Variants in EVI5 observed in about 807,000 individuals in gnomAD.
The protein encoded by EVI5 is ecotropic viral integration site 5 protein homolog.
A neutral mutation model predicts 112.0 loss-of-function variants in EVI5; 73 were observed. That is an observed-to-expected ratio of 0.65 (90% CI 0.54 to 0.79). The LOEUF is 0.79. Ranked by LOEUF, EVI5 falls within the 30% of genes least tolerant of loss-of-function variation. The pLI, the probability that EVI5 is intolerant of heterozygous loss-of-function variation, is 0.00. For synonymous variants in EVI5, 305 were observed against 319.9 expected (o/e 0.95, Z 0.50); for missense variants, 900 against 968.8 (o/e 0.93, Z 0.94).
At chr1:92,787,182 T>G (rs955129427), upstream of EVI5, among the ~76,000 whole-genome samples, 2 of 152,314 alleles carry the variant, frequency 1.3e-5, no homozygotes, top group Admixed American at 6.5e-5. Context: ...TAAATGAAAA[T>G]TATAGATGCT....
At chr1:92,609,295 A>C (rs747947255) in intron 16 of EVI5, among the ~76,000 whole-genome samples, 2 of 152,232 alleles carry the variant, frequency 1.3e-5, no homozygotes, top group Non-Finnish European at 2.9e-5. Context: ...TATGTTGTGA[A>C]GATTAGATTA....
intron 1 of EVI5, among the ~76,000 whole-genome samples, chr1:92,770,563 G>A (rs1683232466): frequency 6.6e-6 from 1 of 152,072 alleles, no homozygotes; most frequent in Non-Finnish European, 1.5e-5. Context: ...GGCCAAGGCG[G>A]GCTGATCACG....
At chr1:92,547,730 T>TA (rs1666015958) in intron 19 of EVI5, among the ~76,000 whole-genome samples, 1 of 152,130 alleles carries the variant, frequency 6.6e-6, no homozygotes, top group Admixed American at 6.6e-5. Flanking sequence ...TCTACACAAA[T>TA]AAACTAGAAA....
At chr1:92,561,585 A>C (rs1009661616) in intron 19 of EVI5, among the ~76,000 whole-genome samples, 1 of 150,476 alleles carries the variant, frequency 6.6e-6, no homozygotes. Context: ...CTATCTATCT[A>C]TCTATCTATC....
At chr1:92,634,448 C>A (rs1353608888) in intron 14 of EVI5, among the ~76,000 whole-genome samples, 10 of 152,156 alleles carry the variant, frequency 6.6e-5, no homozygotes, top group Admixed American at 6.5e-4. Context: ...ATCGCTGATA[C>A]CCTTTCTTCC....
At chr1:92,714,270 T>A in intron 2 of EVI5, 1 of 319,924 alleles carries the variant, frequency 3.1e-6, no homozygotes, top group Non-Finnish European at 4.5e-6. Flanking sequence ...TCATGTTTCT[T>A]AAATTTTAAT....
chr1:92,729,219 T>G (rs1414057830), intron 2 of EVI5, among the ~76,000 whole-genome samples: 3 of 152,174 alleles, frequency 2.0e-5, no homozygotes, highest in Non-Finnish European at 4.4e-5. Context: ...AAAGTTATGG[T>G]CACAATGTAT....
chr1:92,589,080 G>C (rs1673270132), intron 18 of EVI5, among the ~76,000 whole-genome samples: 1 of 152,188 alleles, frequency 6.6e-6, no homozygotes, highest in Non-Finnish European at 1.5e-5. Context: ...AGGTAAGATG[G>C]CATTAACAGG....
At chr1:92,563,592 T>A in intron 19 of EVI5, 50 bp downstream of exon 19, 1 of 914,214 alleles carries the variant, frequency 1.1e-6, no homozygotes, top group South Asian at 1.5e-5. Context: ...GTTGTTACAA[T>A]ACAGAGGAAG....
chr1:92,730,364 G>C (rs1393036581), intron 2 of EVI5, among the ~76,000 whole-genome samples: 1 of 151,406 alleles, frequency 6.6e-6, no homozygotes, highest in Non-Finnish European at 1.5e-5. Context: ...ATCTCTAAAA[G>C]AAAGAAAGAA....
At chr1:92,785,759 G>A (rs996341031), upstream of EVI5, among the ~76,000 whole-genome samples, 1 of 152,126 alleles carries the variant, frequency 6.6e-6, no homozygotes, top group East Asian at 1.9e-4. Context: ...AAAGTAAAAA[G>A]GCAATACAGA....
rs557039975 is a variant in EVI5, at chr1:92,662,725, T to C, written c.1386A>G (p.Gln462=). ...ENTIRKLQHQ[Q]QWHKCSSNYN... ...GCACTACCAGACTCCTTACCCATTG[T>C]TGTTGGTGCTGGAGCTTCCTGATGG... is the stretch of plus-strand genomic sequence containing the variant. Residue 462 remains glutamine (Q), a synonymous_variant, in exon 13 of 20, where the codon CAA becomes CAG. Coordinates refer to ENST00000684568, the MANE Select transcript of EVI5 (RefSeq NM_001350197.2). 4.7e-5 allele frequency: 59 copies of C among 1,267,330 alleles called. No individual in the cohort carries two copies. The highest frequency in any genetic ancestry group is 5.6e-5 in the Non-Finnish European group (55 of 979,404). The allele number at this position is 1,267,330 out of a possible 1,614,324, so 78.5% of individuals were successfully genotyped here. A position where few individuals can be genotyped will look rare whatever the true frequency, so the allele number is the denominator to read the frequency against.
intron 13 of EVI5, among the ~76,000 whole-genome samples, chr1:92,641,449 T>C (rs1210273499): frequency 1.3e-5 from 2 of 152,062 alleles, no homozygotes; most frequent in Non-Finnish European, 2.9e-5. Flanking sequence ...AGTTGAATGC[T>C]GCAAAAAAAA....
At chr1:92,606,922 ACCCC>A (rs200417920) in intron 17 of EVI5, among the ~76,000 whole-genome samples, 4,862 of 128,884 alleles carry the variant, frequency 0.038, 141 homozygotes, top group African/African-American at 0.065. Flanking sequence ...ACACACACAC[ACCCC>A]CCCAAACCCT....
chr1:92,591,254 C>A (rs1673827308), intron 18 of EVI5, among the ~76,000 whole-genome samples: 1 of 152,182 alleles, frequency 6.6e-6, no homozygotes, highest in South Asian at 2.1e-4. Flanking sequence ...ATCAAATTCA[C>A]ACATAACAAT....
intron 2 of EVI5, among the ~76,000 whole-genome samples, chr1:92,724,562 C>A (rs2102721650): frequency 6.6e-6 from 1 of 152,234 alleles, no homozygotes; most frequent in East Asian, 1.9e-4. Context: ...AATTCCAACA[C>A]CCTGGGAGGC....
At chr1:92,651,551 A>G (rs1471502073) in intron 13 of EVI5, among the ~76,000 whole-genome samples, 2 of 152,238 alleles carry the variant, frequency 1.3e-5, no homozygotes, top group Non-Finnish European at 2.9e-5. Flanking sequence ...ACAGTTGGCA[A>G]GGATATTAAG....
intron 2 of EVI5, among the ~76,000 whole-genome samples, chr1:92,720,696 G>C (rs1674591138): frequency 6.6e-6 from 1 of 152,100 alleles, no homozygotes; most frequent in Admixed American, 6.5e-5. Context: ...AAACTAAAGA[G>C]CTTCTGCACA....
At chr1:92,676,806 C>T (rs565675425) in intron 10 of EVI5, among the ~76,000 whole-genome samples, 248 of 152,184 alleles carry the variant, frequency 1.6e-3, no homozygotes, top group Non-Finnish European at 3.1e-3. Context: ...TTAATGTTTG[C>T]CTGAGATTAC....
Sources: gnomAD v4.1 joint callset for allele counts (sites outside exome capture counted in the v4.1 genomes callset) on GRCh38, gnomAD v4.1.1 for gene constraint, MANE v1.5 for transcripts, NCBI Gene and HGNC (gene_info 2026-07-23, HGNC 2026-07-21) for gene names.